LEP: variants seen among roughly 807,000 people sequenced by gnomAD.
LEP encodes the protein leptin, also known as leptin (murine obesity homolog).
LEP carries 6 observed loss-of-function variants against 9.8 expected under a neutral mutation model. That is an observed-to-expected ratio of 0.61 (90% CI 0.34 to 1.21). LEP has a LOEUF of 1.21. Among genes scored for constraint, LEP ranks in the 50% most tolerant of loss-of-function variants. The pLI is 0.04. For synonymous variants in LEP, 112 were observed against 81.7 expected (o/e 1.37, Z -2.00); for missense variants, 134 against 198.1 (o/e 0.68, Z 1.94).
At chr7:128,253,769 G>A (rs1795302411) in intron 2 of LEP, among the ~76,000 whole-genome samples, 1 of 152,238 alleles carries the variant, frequency 6.6e-6, no homozygotes, top group Admixed American at 6.5e-5. Flanking sequence ...GGGCATATTA[G>A]CCACTCAGCA....
chr7:128,246,617 CTATTTT>C (rs755489839), intron 1 of LEP, among the ~76,000 whole-genome samples: 3 of 147,966 alleles, frequency 2.0e-5, no homozygotes, highest in South Asian at 2.2e-4. Flanking sequence ...CCACACTCAG[CTATTTT>C]TATTTTTATT....
At chr7:128,241,648 A>G (rs1228801658) in intron 1 of LEP, among the ~76,000 whole-genome samples, 3 of 152,206 alleles carry the variant, frequency 2.0e-5, no homozygotes, top group Non-Finnish European at 4.4e-5. Context: ...AAAGATCAGG[A>G]TGTCCCACCC....
In LEP at chr7:128,256,285, G is replaced by A. The variant is rs1795339062; in HGVS notation, c.*1522G>A. On this transcript the variant is annotated 3_prime_UTR_variant, in exon 3 of 3. Transcript: ENST00000308868. The stretch of plus-strand genomic sequence containing the variant: ...CACATTCAGGAAGATGAAAGAGGAG[G>A]TTTGGGGTCTGCCACCATCCTGCTG... 1 of 152,710 alleles carries A rather than the reference G, an allele frequency of 6.5e-6. No individual in the cohort carries two copies. Among genetic ancestry groups the A allele is most frequent in the African/African-American group, 2.4e-5 (1 of 41,454 alleles). 9.5% of individuals were successfully genotyped at this position (152,710 alleles called of 1,614,324 possible). A position where few individuals can be genotyped will look rare whatever the true frequency, so the allele number is the denominator to read the frequency against.
In LEP at chr7:128,255,558, G is replaced by T. The variant is rs148774522; in HGVS notation, c.*795G>T. 2 of 152,292 alleles carry T rather than the reference G, an allele frequency of 1.3e-5. No homozygotes were observed. The highest frequency in any genetic ancestry group is 1.9e-4 in the East Asian group (1 of 5,174). 9.4% of individuals were successfully genotyped at this position (152,292 alleles called of 1,614,324 possible). ...TCCAAGGACCAGGTTATTTTAAAAA[G>T]ATTTGTTTTGTCAAGTGTCATATGT... On this transcript the variant is annotated 3_prime_UTR_variant, in exon 3 of 3. Coordinates refer to ENST00000308868, the MANE Select transcript of LEP (RefSeq NM_000230.3).
chr7:128,252,033 C>G lies in LEP; in HGVS notation c.15C>G (p.Thr5=), dbSNP rs142904532. Residue 5 remains threonine, a synonymous_variant, in exon 2 of 3, where the codon ACC becomes ACG. Transcript: ENST00000308868. MHWG[T]LCGFLWLWPY... ...TGGGAAGGAAAATGCATTGGGGAAC[C>G]CTGTGCGGATTCTTGTGGCTTTGGC... 1.2e-4 allele frequency: 197 copies of G among 1,614,174 alleles called. No individual in the cohort carries two copies. In the African/African-American group the frequency reaches 1.4e-3, roughly 11 times the overall value.
intron 1 of LEP, among the ~76,000 whole-genome samples, chr7:128,250,191 C>T (rs1035935358): frequency 2.6e-5 from 4 of 152,142 alleles, no homozygotes; most frequent in African/African-American, 7.2e-5. Flanking sequence ...TTCATGACTT[C>T]GTATCGGGGA....
At chr7:128,254,268 T>G in intron 2 of LEP, 136 bp from the exon 3 acceptor site, 1 of 1,149,688 alleles carries the variant, frequency 8.7e-7, no homozygotes, top group Non-Finnish European at 1.3e-6. Context: ...TACAAGGGCC[T>G]GAGCCAAAGT....
chr7:128,245,424 C>T (rs1260610061), intron 1 of LEP, among the ~76,000 whole-genome samples: 1 of 152,228 alleles, frequency 6.6e-6, no homozygotes, highest in Non-Finnish European at 1.5e-5. Flanking sequence ...GTCTGTTCCA[C>T]TAGATTCTGA....
At chr7:128,253,830 C>T (rs1474955680) in intron 2 of LEP, among the ~76,000 whole-genome samples, 5 of 152,242 alleles carry the variant, frequency 3.3e-5, no homozygotes, top group East Asian at 3.8e-4. Context: ...GTGTAATACA[C>T]AATATCACGG....
At position 128,254,195 on chromosome 7, in the gene LEP, G is replaced by T. The variant is rs113112089; in HGVS notation, c.145-209G>T. 4.2e-3 allele frequency among the ~76,000 whole-genome samples: 644 copies of T among 152,280 alleles called. 8 individuals are homozygous for T. Among genetic ancestry groups the T allele is most frequent in the African/African-American group, 0.014 (598 of 41,552 alleles). Reference sequence around the variant, plus strand: ...TGGCCTGGAAGTGGAGGGAAGGATGGTGTGGGAAAAGCAGGAATCTCGGAG... The same window carrying T: ...TGGCCTGGAAGTGGAGGGAAGGATGTTGTGGGAAAAGCAGGAATCTCGGAG... On this transcript the variant is annotated intron_variant, in intron 2 of 2. Coordinates refer to ENST00000308868, the MANE Select transcript of LEP (RefSeq NM_000230.3).
intron 2 of LEP, among the ~76,000 whole-genome samples, chr7:128,252,439 T>C (rs940315040): frequency 8.5e-5 from 13 of 152,142 alleles, no homozygotes; most frequent in African/African-American, 3.1e-4. Flanking sequence ...TTAAAAATCA[T>C]AGGATTTGGG....
intron 2 of LEP, among the ~76,000 whole-genome samples, chr7:128,253,899 G>A (rs890592349): frequency 6.6e-6 from 1 of 152,188 alleles, no homozygotes; most frequent in Non-Finnish European, 1.5e-5. Flanking sequence ...GATGGATGGG[G>A]AGAGCCTCCC....
chr7:128,252,880 C>G (rs1012538706), intron 2 of LEP, among the ~76,000 whole-genome samples: 2 of 152,068 alleles, frequency 1.3e-5, no homozygotes, highest in African/African-American at 4.8e-5. Flanking sequence ...CAAGACCTCT[C>G]TCTCTAATTT....
chr7:128,250,085 G>C (rs558711204), intron 1 of LEP, among the ~76,000 whole-genome samples: 1 of 152,278 alleles, frequency 6.6e-6, no homozygotes, highest in East Asian at 1.9e-4. Flanking sequence ...ATGCTTTAAG[G>C]AAGCATCTTG....
chr7:128,254,290 G>T (rs1795309242), intron 2 of LEP, 114 bp from the exon 3 acceptor site: 1 of 1,389,670 alleles, frequency 7.2e-7, no homozygotes, highest in Admixed American at 1.7e-5. Context: ...GTGAGGGAGG[G>T]TGGAAGGAGG....
intron 1 of LEP, among the ~76,000 whole-genome samples, chr7:128,250,473 A>T (rs1177591470): frequency 6.6e-6 from 1 of 151,270 alleles, no homozygotes; most frequent in Non-Finnish European, 1.5e-5. Context: ...ATCCTTGAGG[A>T]GCTGGAGGGG....
At chr7:128,243,958 T>C (rs1157091337) in intron 1 of LEP, among the ~76,000 whole-genome samples, 3 of 152,000 alleles carry the variant, frequency 2.0e-5, no homozygotes, top group Non-Finnish European at 4.4e-5. Context: ...GCCTCAACAA[T>C]TGATCAGAAG....
chr7:128,251,675 T>C (rs901638204), intron 1 of LEP, among the ~76,000 whole-genome samples: 1 of 152,244 alleles, frequency 6.6e-6, no homozygotes, highest in Non-Finnish European at 1.5e-5. Flanking sequence ...AAGTCTGTTA[T>C]CTTTCCCTCG....
intron 1 of LEP, among the ~76,000 whole-genome samples, chr7:128,245,751 C>T (rs895280464): frequency 1.3e-4 from 20 of 152,156 alleles, no homozygotes; most frequent in Admixed American, 6.5e-4. Context: ...CTCAGGAGGC[C>T]CTCCAGCCTG....
Sources: gnomAD v4.1 joint callset for allele counts (sites outside exome capture counted in the v4.1 genomes callset) on GRCh38, gnomAD v4.1.1 for gene constraint, MANE v1.5 for transcripts, NCBI Gene and HGNC (gene_info 2026-07-23, HGNC 2026-07-21) for gene names.